The following STAP1 variants were observed in gnomAD, a reference collection of about 807,000 sequenced individuals.
STAP1 encodes signal transducing adaptor family member 1.
Under a neutral mutation model 37.8 loss-of-function variants are expected in STAP1, and 30 were observed. That is an observed-to-expected ratio of 0.79 (90% CI 0.59 to 1.08). The LOEUF (loss-of-function observed/expected upper bound fraction) is 1.08, where lower values mean the gene tolerates loss of function less well. STAP1 is among the 50% of genes least tolerant of loss of function. The probability of loss-of-function intolerance (pLI) is 0.00; values close to 1 mark genes in which losing one functional copy is unlikely to be tolerated. For synonymous variants in STAP1, 130 were observed against 116.0 expected (o/e 1.12, Z -0.78); for missense variants, 357 against 349.4 (o/e 1.02, Z -0.17).
At chr4:67,588,206 AAG>A (rs1728033277) in intron 6 of STAP1, among the ~76,000 whole-genome samples, 1 of 152,098 alleles carries the variant, frequency 6.6e-6, no homozygotes, top group Non-Finnish European at 1.5e-5. Flanking sequence ...AATGTCTAAA[AAG>A]AGAGTCAAAA....
intron 2 of STAP1, among the ~76,000 whole-genome samples, chr4:67,573,955 T>C (rs1253088641): frequency 1.3e-5 from 2 of 152,124 alleles, no homozygotes; most frequent in Non-Finnish European, 1.5e-5. Context: ...TTTCTACTAC[T>C]AGAAGGCAAG....
intron 6 of STAP1, among the ~76,000 whole-genome samples, chr4:67,586,366 A>G (rs916303650): frequency 2.0e-5 from 3 of 152,194 alleles, no homozygotes; most frequent in Non-Finnish European, 2.9e-5. Context: ...CTGAGGTAGG[A>G]GAATCGCTTC....
chr4:67,596,082 G>A lies in STAP1; in HGVS notation c.826+2726G>A, dbSNP rs116145111. 6.0e-3 allele frequency among the ~76,000 whole-genome samples: 918 copies of A among 152,186 alleles called. 3 individuals are homozygous for A. Among genetic ancestry groups the A allele is most frequent in the Middle Eastern group, 0.017 (5 of 294 alleles). The stretch of plus-strand genomic sequence containing the variant: ...ATATGGTTTGGCTGTTTTCCCACCC[G>A]AATCTCATCTCGAATCGTAATCCCC... On this transcript the variant is annotated intron_variant, in intron 8 of 8. Coordinates refer to ENST00000265404, the MANE Select transcript of STAP1 (RefSeq NM_012108.4).
intron 8 of STAP1, among the ~76,000 whole-genome samples, chr4:67,594,314 A>G (rs1178034379): frequency 2.0e-5 from 3 of 152,192 alleles, no homozygotes; most frequent in Non-Finnish European, 4.4e-5. Flanking sequence ...ATGATTATGA[A>G]TATTGTGATG....
chr4:67,591,583 G>GCT (rs957864771), intron 7 of STAP1, among the ~76,000 whole-genome samples: 5 of 152,158 alleles, frequency 3.3e-5, no homozygotes. Flanking sequence ...AGAGAATATA[G>GCT]CTCTGTGATT....
chr4:67,601,177 T>A lies in STAP1; in HGVS notation c.827-5119T>A, dbSNP rs1728334617. On this transcript the variant is annotated intron_variant, in intron 8 of 8. Coordinates refer to ENST00000265404, the MANE Select transcript of STAP1 (RefSeq NM_012108.4). ...AATACCATTAAGTTTTCAAATAACATCTTATAACCCATTATCTTAAACTGA... is the reference window on the plus strand; with the variant it reads ...AATACCATTAAGTTTTCAAATAACAACTTATAACCCATTATCTTAAACTGA... Among the ~76,000 whole-genome samples, 5 of 152,190 alleles carry A rather than the reference T, an allele frequency of 3.3e-5. No individual in the cohort carries two copies. The South Asian group carries it at 1.0e-3, about 32-fold the overall frequency.
chr4:67,598,755 T>C (rs1728276221), intron 8 of STAP1, among the ~76,000 whole-genome samples: 1 of 152,226 alleles, frequency 6.6e-6, no homozygotes, highest in East Asian at 1.9e-4. Context: ...GATTGTTTCC[T>C]TTGTTGTGCA....
chr4:67,593,548 A>G (rs1482521640), intron 8 of STAP1, among the ~76,000 whole-genome samples, 192 bp downstream of exon 8: 1 of 152,240 alleles, frequency 6.6e-6, no homozygotes, highest in Admixed American at 6.5e-5. Context: ...TTATGAACAG[A>G]GTATGGGTGC....
chr4:67,563,211 C>T (rs1256867076), intron 1 of STAP1, among the ~76,000 whole-genome samples: 1 of 152,204 alleles, frequency 6.6e-6, no homozygotes, highest in Non-Finnish European at 1.5e-5. Flanking sequence ...ATTTTTAAAT[C>T]TGTTCTCTCC....
At chr4:67,583,212 G>A (rs1034590296) in intron 5 of STAP1, among the ~76,000 whole-genome samples, 2 of 152,030 alleles carry the variant, frequency 1.3e-5, no homozygotes, top group Admixed American at 6.5e-5. Context: ...TTGTATCCCC[G>A]AAAGGAGACC....
rs1394018069 is a variant in STAP1 at position 67,606,294 on chromosome 4, AG to A, written c.827del. The A allele has an allele frequency of 4.0e-5, 64 of 1,605,318 alleles. No homozygotes were observed. Among genetic ancestry groups the A allele is most frequent in the Non-Finnish European group, 5.3e-5 (62 of 1,177,574 alleles). On this transcript the variant is annotated splice_acceptor_variant, in intron 8 of 8. Transcript: ENST00000265404. LOFTEE classifies it high-confidence loss of function. ...TTAAGTTTTTCTACCCACAATTTCT[AG>A]GTCAAGAACCCAGTATGGAAGGGAG...
Position 67,577,277 on chromosome 4 carries a change from T to C in STAP1, c.363+18T>C. On this transcript the variant is annotated intron_variant, in intron 4 of 8. Transcript: ENST00000265404. Reference sequence around the variant, plus strand: ...TAACAGAGGTAGGAAGCTCACTGCTTTTGATTGATTCTTTTTTTTTTTCAA... The same window carrying C: ...TAACAGAGGTAGGAAGCTCACTGCTCTTGATTGATTCTTTTTTTTTTTCAA... The C allele has an allele frequency of 6.3e-7, 1 of 1,591,834 alleles. No homozygotes were observed. The highest frequency in any genetic ancestry group is 8.5e-7 in the Non-Finnish European group (1 of 1,171,456).
At chr4:67,564,704 G>T (rs966135291) in intron 1 of STAP1, among the ~76,000 whole-genome samples, 23 of 152,120 alleles carry the variant, frequency 1.5e-4, no homozygotes, top group Admixed American at 1.0e-3. Context: ...CTTGAGGTCA[G>T]GAGTTCGAGA....
At chr4:67,602,643 G>C (rs992285248) in intron 8 of STAP1, among the ~76,000 whole-genome samples, 2 of 152,170 alleles carry the variant, frequency 1.3e-5, no homozygotes, top group African/African-American at 4.8e-5. Context: ...AGATCTAAAA[G>C]AATGTCTTGG....
Position 67,571,086 on chromosome 4 carries a change from G to C in STAP1, c.123G>C (p.Glu41Asp). The C allele has an allele frequency of 6.2e-7, 1 of 1,610,232 alleles. No individual in the cohort carries two copies. Among genetic ancestry groups the C allele is most frequent in the South Asian group, 1.1e-5 (1 of 90,944 alleles). The change falls in exon 2 of 9, where the codon GAG becomes GAC. Residue 41 changes from glutamate (E) to aspartate (D), a missense_variant and splice_region_variant. By Grantham distance (45) the Glu-to-Asp change is conservative (BLOSUM62 2). Coordinates refer to ENST00000265404, the MANE Select transcript of STAP1 (RefSeq NM_012108.4). Reference protein sequence around the residue: ...FLLIKRSGYREYEHYWTELRG... With the variant: ...FLLIKRSGYRDYEHYWTELRG... ...TGTTTATGGTTTCTTTCCCACAGGA[G>C]TATGAGCATTACTGGACAGAGTTGA...
chr4:67,581,264 A>G, intron 4 of STAP1, 41 bp from the exon 5 acceptor site: 1 of 1,588,556 alleles, frequency 6.3e-7, no homozygotes, highest in African/African-American at 1.4e-5. Flanking sequence ...ATAAGTTATT[A>G]AGCTGTTTTC....
At chr4:67,594,538 A>G (rs1422682916) in intron 8 of STAP1, among the ~76,000 whole-genome samples, 1 of 152,164 alleles carries the variant, frequency 6.6e-6, no homozygotes, top group African/African-American at 2.4e-5. Context: ...CAGTTCTCAT[A>G]TTAGAGAATT....
At chr4:67,605,437 T>C (rs1359911186) in intron 8 of STAP1, among the ~76,000 whole-genome samples, 3 of 148,468 alleles carry the variant, frequency 2.0e-5, no homozygotes, top group Non-Finnish European at 4.5e-5. Context: ...GACAACCAGA[T>C]TGCTATTGGT....
chr4:67,568,685 T>C (rs1194020322), intron 1 of STAP1, among the ~76,000 whole-genome samples: 2 of 152,226 alleles, frequency 1.3e-5, no homozygotes, highest in Non-Finnish European at 1.5e-5. Context: ...TCAGCTTTGA[T>C]GGTGTTCAAT....
Sources: gnomAD v4.1 joint callset for allele counts (sites outside exome capture counted in the v4.1 genomes callset) on GRCh38, gnomAD v4.1.1 for gene constraint, MANE v1.5 for transcripts, NCBI Gene and HGNC (gene_info 2026-07-23, HGNC 2026-07-21) for gene names.